RUNX1: variants seen among roughly 807,000 people sequenced by gnomAD.
RUNX1 encodes runt-related transcription factor 1.
In RUNX1, 19 loss-of-function variants were observed where a neutral mutation model predicts 42.8. The ratio of observed to expected loss-of-function variants is 0.44; its 90% confidence interval spans 0.31 to 0.65. The LOEUF is 0.65. Ranked by LOEUF, RUNX1 falls within the 30% of genes least tolerant of loss-of-function variation. The probability of loss-of-function intolerance (pLI) is 0.07; values close to 1 mark genes in which losing one functional copy is unlikely to be tolerated. For missense variants in RUNX1, 528 were observed against 672.0 expected, an observed-to-expected ratio of 0.79 and a Z score of 2.37; for synonymous variants, 271 against 289.4, an observed-to-expected ratio of 0.94 and a Z score of 0.64.
intron 5 of RUNX1, among the ~76,000 whole-genome samples, chr21:34,863,856 C>T (rs1444388046): frequency 6.6e-6 from 1 of 152,136 alleles, no homozygotes; most frequent in Non-Finnish European, 1.5e-5. Flanking sequence ...GACATTTCCA[C>T]CGAGCACACA....
chr21:34,789,272 AAGG>A lies in RUNX1; in HGVS notation c.*2860_*2862del, dbSNP rs2056406509. 4.3e-6 allele frequency: 1 copy of A among 233,238 alleles called. No homozygotes were observed. Among genetic ancestry groups the A allele is most frequent in the Non-Finnish European group, 8.5e-6 (1 of 118,126 alleles). 14.4% of individuals were successfully genotyped at this position (233,238 alleles called of 1,614,324 possible). On this transcript the variant is annotated 3_prime_UTR_variant, in exon 9 of 9. Transcript: ENST00000675419. Reference sequence around the variant, plus strand: ...CTATCTGCTTAAGAGAACACAGGAAAAGGAGGAGGGAGAAAGTGGGGTTTGGAA... The same window carrying A: ...CTATCTGCTTAAGAGAACACAGGAAAAGGAGGGAGAAAGTGGGGTTTGGAA...
At chr21:35,004,305 C>G (rs1005342764) in intron 2 of RUNX1, among the ~76,000 whole-genome samples, 1 of 152,168 alleles carries the variant, frequency 6.6e-6, no homozygotes, top group Non-Finnish European at 1.5e-5. Context: ...TTTCTTGTAT[C>G]AAATAATTCT....
rs570695231 is a variant in RUNX1, at chr21:34,888,980, C to G, written c.98-1884G>C. Among the ~76,000 whole-genome samples the G allele has an allele frequency of 5.5e-4, 83 of 151,524 alleles. 2 individuals carry two copies. Among genetic ancestry groups the G allele is most frequent in the Non-Finnish European group, 4.4e-5 (3 of 67,760 alleles). ...CCGCCCGCGTGCGGACCCCTTTCCG[C>G]AGCCACACGCAGGCTTGTGCGGCTC... is the stretch of plus-strand genomic sequence containing the variant. On this transcript the variant is annotated intron_variant, in intron 3 of 8. Coordinates refer to ENST00000675419, the MANE Select transcript of RUNX1 (RefSeq NM_001754.5).
chr21:34,970,865 C>T (rs1421797117), intron 2 of RUNX1, among the ~76,000 whole-genome samples: 1 of 151,820 alleles, frequency 6.6e-6, no homozygotes, highest in South Asian at 2.1e-4. Flanking sequence ...CTTTCCTGTA[C>T]GTTCAAATTA....
At chr21:34,849,712 C>A (rs966366565) in intron 6 of RUNX1, among the ~76,000 whole-genome samples, 1 of 149,774 alleles carries the variant, frequency 6.7e-6, no homozygotes, top group East Asian at 2.0e-4. Flanking sequence ...TAGATTATAC[C>A]TAATTTACCC....
intron 2 of RUNX1, among the ~76,000 whole-genome samples, chr21:35,000,677 G>A (rs950017391): frequency 1.8e-4 from 28 of 152,296 alleles, no homozygotes; most frequent in African/African-American, 6.3e-4. Flanking sequence ...AGTGCTTCAT[G>A]TTCTTTGGAC....
intron 2 of RUNX1, among the ~76,000 whole-genome samples, chr21:34,941,665 T>G (rs2058527583): frequency 6.6e-6 from 1 of 152,274 alleles, no homozygotes; most frequent in African/African-American, 2.4e-5. Flanking sequence ...AAAAATGTTT[T>G]ATCTCTATTC....
At chr21:34,799,576 C>A in intron 7 of RUNX1, 114 bp from the exon 8 acceptor site, 6 of 884,514 alleles carry the variant, frequency 6.8e-6, no homozygotes, top group Non-Finnish European at 1.1e-5. Flanking sequence ...TGTATGTGGC[C>A]TATGTACCAG....
At chr21:34,961,205 C>A (rs915489005) in intron 2 of RUNX1, among the ~76,000 whole-genome samples, 9 of 152,066 alleles carry the variant, frequency 5.9e-5, no homozygotes, top group Admixed American at 3.9e-4. Context: ...GAAACCCCGT[C>A]TCTACTAAAA....
At chr21:34,963,456 T>C (rs1273536239) in intron 2 of RUNX1, among the ~76,000 whole-genome samples, 3 of 152,234 alleles carry the variant, frequency 2.0e-5, no homozygotes, top group Non-Finnish European at 4.4e-5. Context: ...GTTTGGCCAC[T>C]GACTGAGCAG....
chr21:34,985,414 C>T (rs764005970), intron 2 of RUNX1, among the ~76,000 whole-genome samples: 10 of 152,132 alleles, frequency 6.6e-5, no homozygotes, highest in Admixed American at 1.3e-4. Context: ...ACCATGAAGA[C>T]GGCAAGTACA....
intron 7 of RUNX1, 112 bp from the exon 8 acceptor site, chr21:34,799,574 G>T: frequency 2.2e-6 from 2 of 889,994 alleles, no homozygotes; most frequent in East Asian, 2.6e-5. Context: ...CATGTATGTG[G>T]CCTATGTACC....
At chr21:35,005,265 A>AC (rs900526187) in intron 2 of RUNX1, among the ~76,000 whole-genome samples, 1 of 151,884 alleles carries the variant, frequency 6.6e-6, no homozygotes, top group Non-Finnish European at 1.5e-5. Flanking sequence ...CTCAGTAAAG[A>AC]CCCCCACTGA....
At chr21:34,808,716 C>G (rs542233219) in intron 7 of RUNX1, among the ~76,000 whole-genome samples, 58 of 152,284 alleles carry the variant, frequency 3.8e-4, no homozygotes, top group Non-Finnish European at 5.3e-4. Flanking sequence ...CACTGTCAGA[C>G]GGTTCCCAGG....
At chr21:35,012,554 A>C (rs1186576819) in intron 2 of RUNX1, among the ~76,000 whole-genome samples, 1 of 152,070 alleles carries the variant, frequency 6.6e-6, no homozygotes, top group Non-Finnish European at 1.5e-5. Context: ...AGAGGTGGCG[A>C]CTCTCTCTTA....
intron 2 of RUNX1, among the ~76,000 whole-genome samples, chr21:34,997,829 T>A (rs1436373748): frequency 6.6e-6 from 1 of 152,208 alleles, no homozygotes; most frequent in Non-Finnish European, 1.5e-5. Context: ...TTTTCATAAC[T>A]CAAGACCATC....
At chr21:34,905,216 T>C (rs758123404) in intron 2 of RUNX1, among the ~76,000 whole-genome samples, 1 of 152,208 alleles carries the variant, frequency 6.6e-6, no homozygotes, top group Non-Finnish European at 1.5e-5. Context: ...AACGACAACA[T>C]GAAATGAAGT....
In RUNX1 at chr21:34,919,562, G is replaced by T. The variant is rs114331823; in HGVS notation, c.59-26599C>A. ...GTCTGGGGGCTTCACTCACTCCTTA[G>T]TGGCTTATTCTCACCACATATTTGG... On this transcript the variant is annotated intron_variant, in intron 2 of 8. Transcript: ENST00000675419. 1.0e-2 allele frequency among the ~76,000 whole-genome samples: 1,522 copies of T among 152,246 alleles called. 32 individuals carry two copies. The highest frequency in any genetic ancestry group is 0.034 in the African/African-American group (1,423 of 41,520).
chr21:34,930,268 A>ATGTGTGTGTGTG (rs141115974), intron 2 of RUNX1, among the ~76,000 whole-genome samples: 17 of 121,260 alleles, frequency 1.4e-4, no homozygotes, highest in African/African-American at 5.5e-4. Context: ...GTGTGTGTGT[A>ATGTGTGTGTGTG]TGTATATATA....
Sources: allele counts gnomAD v4.1 joint callset (sites outside exome capture counted in the v4.1 genomes callset), GRCh38; gene constraint gnomAD v4.1.1; transcripts MANE v1.5; gene names NCBI Gene and HGNC (gene_info 2026-07-23, HGNC 2026-07-21).